Variants in CMSS1 observed in about 807,000 individuals in gnomAD.
CMSS1 encodes the protein cms1 ribosomal small subunit homolog.
A neutral mutation model predicts 43.5 loss-of-function variants in CMSS1; 33 were observed. The ratio of observed to expected loss-of-function variants is 0.76; its 90% CI spans 0.57 to 1.01. CMSS1 has a LOEUF of 1.01. Among genes scored for constraint, CMSS1 ranks in the 50% least tolerant of loss-of-function variants. The pLI is 0.00. For synonymous variants in CMSS1, 115 were observed against 117.2 expected (o/e 0.98, Z 0.12); for missense variants, 313 against 326.4 (o/e 0.96, Z 0.32).
At chr3:99,947,510 C>T (rs141007941) in intron 1 of CMSS1, among the ~76,000 whole-genome samples, 1 of 152,210 alleles carries the variant, frequency 6.6e-6, no homozygotes, top group African/African-American at 2.4e-5. Context: ...CAGAAGGGAC[C>T]CAGAGCTAAA....
At position 100,141,120 on chromosome 3, in the gene CMSS1, C is replaced by A. The variant is rs114348136; in HGVS notation, c.65-5853C>A. Among the ~76,000 whole-genome samples the A allele has an allele frequency of 3.2e-3, 487 of 152,242 alleles. 5 individuals carry two copies. Among genetic ancestry groups the A allele is most frequent in the African/African-American group, 0.011 (465 of 41,530 alleles). ...TACATTCCAAACCTGGTTCCTCCTCCACTTCCCACATGGTTCTAGGGACTG... is the reference window on the plus strand; with the variant it reads ...TACATTCCAAACCTGGTTCCTCCTCAACTTCCCACATGGTTCTAGGGACTG... On this transcript the variant is annotated intron_variant, in intron 1 of 9. Transcript: ENST00000421999.
intron 1 of CMSS1, among the ~76,000 whole-genome samples, chr3:100,131,569 A>G (rs1378140379): frequency 6.6e-6 from 1 of 152,174 alleles, no homozygotes; most frequent in East Asian, 1.9e-4. Flanking sequence ...CTACATCTCT[A>G]CTGACCCCCA....
At position 100,128,867 on chromosome 3, in the gene CMSS1, G is replaced by C. The variant is rs964921712; in HGVS notation, c.65-18106G>C. ...CTTTTATTACTCAGTAGCGTCTACT[G>C]TATGAATATGCCATCGTTTATCCGT... On this transcript the variant is annotated intron_variant, in intron 1 of 9. Transcript: ENST00000421999. 2.6e-5 allele frequency among the ~76,000 whole-genome samples: 4 copies of C among 152,228 alleles called. No homozygotes were observed. The East Asian group carries it at 5.8e-4, about 22-fold the overall frequency.
At chr3:100,162,466 G>T (rs1162926682) in intron 4 of CMSS1, 34 bp downstream of exon 4, 2 of 1,596,768 alleles carry the variant, frequency 1.3e-6, no homozygotes, top group South Asian at 1.1e-5. Context: ...TAAAGACAAG[G>T]AGCAAAACAT....
intron 1 of CMSS1, among the ~76,000 whole-genome samples, chr3:99,863,858 G>A (rs73860475): frequency 0.015 from 2,238 of 152,214 alleles, 52 homozygotes; most frequent in African/African-American, 0.052. Context: ...AGATTCTTAT[G>A]CTCTCCCCTT....
chr3:100,022,403 A>G (rs1311097399), intron 1 of CMSS1, among the ~76,000 whole-genome samples: 2 of 152,190 alleles, frequency 1.3e-5, no homozygotes, highest in South Asian at 4.1e-4. Context: ...TTGTTACGGC[A>G]CAACTCTGCT....
chr3:99,970,961 G>T (rs1206936510), intron 1 of CMSS1, among the ~76,000 whole-genome samples: 4 of 152,214 alleles, frequency 2.6e-5, no homozygotes, highest in African/African-American at 7.2e-5. Flanking sequence ...GCTTGGCAGT[G>T]CTCCTACCTG....
At chr3:100,175,407 C>T (rs751888688) in intron 8 of CMSS1, among the ~76,000 whole-genome samples, 1 of 152,188 alleles carries the variant, frequency 6.6e-6, no homozygotes, top group Non-Finnish European at 1.5e-5. Context: ...ATATTATGCT[C>T]AGTTTCATTC....
intron 1 of CMSS1, among the ~76,000 whole-genome samples, chr3:99,854,965 T>C (rs757998976): frequency 1.3e-5 from 2 of 152,182 alleles, no homozygotes; most frequent in South Asian, 4.1e-4. Context: ...ATTCAGTAGG[T>C]CTGGGGTGGG....
intron 1 of CMSS1, chr3:100,010,161 T>G (rs576974368): frequency 2.1e-6 from 2 of 971,920 alleles, no homozygotes; most frequent in South Asian, 9.5e-5. Context: ...CACATTTCAT[T>G]TGATGGAATT....
intron 1 of CMSS1, among the ~76,000 whole-genome samples, chr3:99,835,151 A>T (rs746740027): frequency 6.6e-6 from 1 of 152,076 alleles, no homozygotes; most frequent in South Asian, 2.1e-4. Flanking sequence ...TTTATAGGCA[A>T]TATGTTGCTA....
chr3:99,961,206 G>A (rs977003164), intron 1 of CMSS1, among the ~76,000 whole-genome samples: 9 of 152,202 alleles, frequency 5.9e-5, no homozygotes, highest in Admixed American at 2.0e-4. Flanking sequence ...GAGGTGGTGC[G>A]GAGAATGCCC....
At chr3:100,090,905 A>G (rs537207793) in intron 1 of CMSS1, among the ~76,000 whole-genome samples, 16 of 152,282 alleles carry the variant, frequency 1.1e-4, no homozygotes, top group Admixed American at 8.5e-4. Flanking sequence ...GAAAACTTGA[A>G]ATGAGTGCAG....
chr3:99,927,455 C>T (rs373318723), intron 1 of CMSS1, among the ~76,000 whole-genome samples: 28 of 151,748 alleles, frequency 1.8e-4, no homozygotes, highest in African/African-American at 6.5e-4. Context: ...TCGCGATCTC[C>T]GCCTCCTGGG....
chr3:99,925,480 C>G (rs1707262286), intron 1 of CMSS1, among the ~76,000 whole-genome samples: 1 of 152,172 alleles, frequency 6.6e-6, no homozygotes, highest in South Asian at 2.1e-4. Flanking sequence ...GGAAACAAAA[C>G]AAGCAAGCAA....
intron 1 of CMSS1, among the ~76,000 whole-genome samples, chr3:99,963,610 A>AT (rs148027279): frequency 2.4e-4 from 35 of 147,710 alleles, no homozygotes; most frequent in South Asian, 8.8e-4. Flanking sequence ...ATATGCATCC[A>AT]TTTTTTTTTT....
chr3:100,165,431 A>AAT (rs539140096), intron 4 of CMSS1, among the ~76,000 whole-genome samples: 2,646 of 151,986 alleles, frequency 0.017, 80 homozygotes, highest in African/African-American at 0.06. Flanking sequence ...AATTTTTAAA[A>AAT]ATATATATAT....
intron 6 of CMSS1, among the ~76,000 whole-genome samples, chr3:100,170,870 CA>C (rs1355993588): frequency 6.6e-6 from 1 of 152,164 alleles, no homozygotes; most frequent in East Asian, 1.9e-4. Flanking sequence ...TGTAAAGTGA[CA>C]ACTCAAAGGC....
At chr3:99,930,931 G>A in intron 1 of CMSS1, 1 of 1,613,632 alleles carries the variant, frequency 6.2e-7, no homozygotes, top group Non-Finnish European at 8.5e-7. Context: ...TATGCTTCAT[G>A]TTTTTAGGCC....
Sources: allele counts gnomAD v4.1 joint callset (sites outside exome capture counted in the v4.1 genomes callset), GRCh38; gene constraint gnomAD v4.1.1; transcripts MANE v1.5; gene names NCBI Gene and HGNC (gene_info 2026-07-23, HGNC 2026-07-21).